MIS18A: variants seen among roughly 807,000 people sequenced by gnomAD.
MIS18A encodes MIS18 kinetochore protein A.
A neutral mutation model predicts 25.0 loss-of-function variants in MIS18A; 14 were observed. That is an observed-to-expected ratio of 0.56 (90% CI 0.37 to 0.88). The LOEUF (loss-of-function observed/expected upper bound fraction) is 0.88, where lower values mean the gene tolerates loss of function less well. Among genes scored for constraint, MIS18A ranks in the 40% least tolerant of loss-of-function variants. The probability of loss-of-function intolerance (pLI) is 0.00; values close to 1 mark genes in which losing one functional copy is unlikely to be tolerated. For synonymous variants in MIS18A, 134 were observed against 118.6 expected, an observed-to-expected ratio of 1.13 and a Z score of -0.84; for missense variants, 292 against 290.8, an observed-to-expected ratio of 1.00 and a Z score of -0.03.
the MIS18A span, among the ~76,000 whole-genome samples, chr21:32,211,195 C>A: frequency 2.6e-5 from 4 of 152,172 alleles, no homozygotes; most frequent in African/African-American, 4.8e-5. Context: ...CATGTGTCAC[C>A]ATGCCTGGCT....
At chr21:32,200,811 A>T in the MIS18A span, among the ~76,000 whole-genome samples, 1 of 152,086 alleles carries the variant, frequency 6.6e-6, no homozygotes, top group African/African-American at 2.4e-5. Context: ...ATTCTGAAAA[A>T]TGTTCAAAAC....
At chr21:32,254,975 A>C in the MIS18A span, among the ~76,000 whole-genome samples, 1 of 152,252 alleles carries the variant, frequency 6.6e-6, no homozygotes, top group Non-Finnish European at 1.5e-5. Context: ...CAGTCATTGA[A>C]ACAAAGTTGC....
Position 32,270,456 on chromosome 21 carries a change from G to A in MIS18A, c.475C>T (p.Leu159Phe). ...GYVYRCTPKN[L>F]DYKRDLFCLS... Reference sequence around the variant, plus strand: ...CAAAACAAGTCTCTCTTGTAATCAAGATTCTTGGGCGTGCATCTGTACACG... The same window carrying A: ...CAAAACAAGTCTCTCTTGTAATCAAAATTCTTGGGCGTGCATCTGTACACG... The change falls in exon 3 of 5, where the codon CTT (leucine) becomes TTT (phenylalanine). Residue 159 changes from leucine to phenylalanine, a missense_variant. Coordinates refer to ENST00000290130, the MANE Select transcript of MIS18A (RefSeq NM_018944.3). 6.2e-7 allele frequency: 1 copy of A among 1,613,518 alleles called. No individual in the cohort carries two copies. The highest frequency in any genetic ancestry group is 1.7e-4 in the Middle Eastern group (1 of 6,058).
At chr21:32,169,128 T>C in the MIS18A span, among the ~76,000 whole-genome samples, 2 of 152,090 alleles carry the variant, frequency 1.3e-5, no homozygotes, top group Non-Finnish European at 2.9e-5. Flanking sequence ...CTTTGTGGTT[T>C]TTTAACTTGC....
the MIS18A span, among the ~76,000 whole-genome samples, chr21:32,171,206 G>T: frequency 6.6e-6 from 1 of 152,028 alleles, no homozygotes; most frequent in Non-Finnish European, 1.5e-5. Context: ...TCCATTAGCA[G>T]ATGGTATGAT....
chr21:32,226,424 C>T, the MIS18A span, among the ~76,000 whole-genome samples: 4 of 151,740 alleles, frequency 2.6e-5, no homozygotes, highest in African/African-American at 9.7e-5. Flanking sequence ...ACCATTCATA[C>T]AAAAGAGAGT....
the MIS18A span, among the ~76,000 whole-genome samples, chr21:32,184,463 A>G: frequency 2.0e-5 from 3 of 152,210 alleles, no homozygotes; most frequent in African/African-American, 4.8e-5. Context: ...GAAATAGGCC[A>G]TTTGAAATTT....
At chr21:32,192,586 G>A in the MIS18A span, among the ~76,000 whole-genome samples, 3 of 152,136 alleles carry the variant, frequency 2.0e-5, no homozygotes, top group Admixed American at 6.5e-5. Context: ...ATGGTCTCTC[G>A]TGGATTCACC....
At chr21:32,174,621 A>G in the MIS18A span, among the ~76,000 whole-genome samples, 5 of 152,202 alleles carry the variant, frequency 3.3e-5, no homozygotes, top group Non-Finnish European at 5.9e-5. Context: ...TTCAAAATAT[A>G]CAAAACAAAA....
the MIS18A span, among the ~76,000 whole-genome samples, chr21:32,196,192 C>T: frequency 6.6e-6 from 1 of 152,090 alleles, no homozygotes; most frequent in African/African-American, 2.4e-5. Context: ...ATTGCCACCT[C>T]CGTGTGGGTG....
chr21:32,190,287 C>T, the MIS18A span, among the ~76,000 whole-genome samples: 21 of 152,314 alleles, frequency 1.4e-4, no homozygotes, highest in East Asian at 4.0e-3. Flanking sequence ...TGGTATTGCA[C>T]AACCCCTCTG....
chr21:32,174,509 G>A, the MIS18A span, among the ~76,000 whole-genome samples: 1 of 152,152 alleles, frequency 6.6e-6, no homozygotes, highest in Admixed American at 6.5e-5. Flanking sequence ...TCCTGCACAT[G>A]TACCCCGGAA....
chr21:32,256,499 C>T, the MIS18A span, among the ~76,000 whole-genome samples: 16 of 152,122 alleles, frequency 1.1e-4, no homozygotes, highest in African/African-American at 3.1e-4. Context: ...TACGGTGACA[C>T]GTGTGCTGGT....
chr21:32,246,370 C>A, the MIS18A span, among the ~76,000 whole-genome samples: 1 of 152,138 alleles, frequency 6.6e-6, no homozygotes, highest in Non-Finnish European at 1.5e-5. Context: ...CTTCGGTACG[C>A]CCCTTCTTCC....
At chr21:32,246,746 C>T in the MIS18A span, among the ~76,000 whole-genome samples, 2 of 152,126 alleles carry the variant, frequency 1.3e-5, no homozygotes, top group Non-Finnish European at 2.9e-5. Flanking sequence ...CACTGGCCTT[C>T]AGAATCTCAA....
the MIS18A span, among the ~76,000 whole-genome samples, chr21:32,251,224 G>A: frequency 1.3e-5 from 2 of 152,132 alleles, no homozygotes; most frequent in African/African-American, 4.8e-5. Context: ...AATACAACAG[G>A]TAACACAAAA....
chr21:32,187,903 C>A, the MIS18A span, among the ~76,000 whole-genome samples: 2 of 151,998 alleles, frequency 1.3e-5, no homozygotes, highest in Non-Finnish European at 2.9e-5. Context: ...GGATGTGGGG[C>A]CTTTGGGAGG....
the MIS18A span, among the ~76,000 whole-genome samples, chr21:32,259,044 A>G: frequency 1.3e-5 from 2 of 150,556 alleles, no homozygotes; most frequent in African/African-American, 4.9e-5. Flanking sequence ...TAACTTTTTA[A>G]TTTTTTCGTA....
At chr21:32,219,940 G>A in the MIS18A span, among the ~76,000 whole-genome samples, 3 of 152,174 alleles carry the variant, frequency 2.0e-5, no homozygotes, top group African/African-American at 7.2e-5. Context: ...TTCCTCTCTG[G>A]GCAGGGCATC....
Sources: gnomAD v4.1 joint callset for allele counts (sites outside exome capture counted in the v4.1 genomes callset) on GRCh38, gnomAD v4.1.1 for gene constraint, MANE v1.5 for transcripts, NCBI Gene and HGNC (gene_info 2026-07-23, HGNC 2026-07-21) for gene names.